The following DYM variants were observed in gnomAD, a reference collection of about 807,000 sequenced individuals.
The protein encoded by DYM is dyggve-Melchior-Clausen syndrome protein.
Under a neutral mutation model 93.1 loss-of-function variants are expected in DYM, and 78 were observed. That is an observed-to-expected ratio of 0.84 (90% CI 0.70 to 1.01). The LOEUF (loss-of-function observed/expected upper bound fraction) is 1.01, where lower values mean the gene tolerates loss of function less well. Ranked by LOEUF, DYM falls within the 50% of genes least tolerant of loss-of-function variation. The probability of loss-of-function intolerance (pLI) is 0.00; values close to 1 mark genes in which losing one functional copy is unlikely to be tolerated. For synonymous variants in DYM, 321 were observed against 319.7 expected (o/e 1.00, Z -0.04); for missense variants, 789 against 845.0 (o/e 0.93, Z 0.82).
intron 13 of DYM, among the ~76,000 whole-genome samples, chr18:49,215,608 G>C (rs911740056): frequency 1.3e-5 from 2 of 152,092 alleles, no homozygotes; most frequent in Non-Finnish European, 2.9e-5. Flanking sequence ...GTCATGTTTT[G>C]GGCAGTGTTG....
intron 8 of DYM, among the ~76,000 whole-genome samples, chr18:49,290,014 ATT>A (rs2060007262): frequency 6.6e-6 from 1 of 151,352 alleles, no homozygotes; most frequent in African/African-American, 2.4e-5. Context: ...TTTAAAGTAC[ATT>A]TGGCAGTTTT....
rs576611215 is a variant in DYM at position 49,127,798 on chromosome 18, A to G, written c.1729-8872T>C. On this transcript the variant is annotated intron_variant, in intron 15 of 17. Coordinates refer to ENST00000675505, the MANE Select transcript of DYM (RefSeq NM_001353214.3). Reference sequence around the variant, plus strand: ...CCAAAATACTGAGCTTCTGATAGAAAGAACAGGTTTTATATTACACATAAA... The same window carrying G: ...CCAAAATACTGAGCTTCTGATAGAAGGAACAGGTTTTATATTACACATAAA... Among the ~76,000 whole-genome samples the G allele has an allele frequency of 4.6e-5, 7 of 152,368 alleles. No individual in the cohort carries two copies. In the South Asian group the frequency reaches 1.4e-3, roughly 32 times the overall value.
chr18:49,159,647 C>A (rs1052244492), intron 15 of DYM, among the ~76,000 whole-genome samples: 2 of 152,114 alleles, frequency 1.3e-5, no homozygotes, highest in South Asian at 4.1e-4. Context: ...CTTGGGAAGA[C>A]AAGGCAGGAC....
At chr18:49,109,441 T>C (rs1246971401) in intron 16 of DYM, among the ~76,000 whole-genome samples, 1 of 152,220 alleles carries the variant, frequency 6.6e-6, no homozygotes, top group African/African-American at 2.4e-5. Flanking sequence ...CCTTTAATTA[T>C]CACAGTCTAT....
intron 13 of DYM, among the ~76,000 whole-genome samples, chr18:49,246,870 C>T (rs1367525830): frequency 6.6e-6 from 1 of 152,180 alleles, no homozygotes; most frequent in Non-Finnish European, 1.5e-5. Flanking sequence ...CAACTGGCTA[C>T]CTTACTGAAA....
chr18:49,257,017 T>G lies in DYM; in HGVS notation c.1453A>C (p.Ile485Leu), dbSNP rs181650561. Residue 485 changes from isoleucine (I) to leucine (L), a missense_variant, in exon 13 of 18, where the codon ATC (isoleucine) becomes CTC (leucine). By Grantham distance (5) the Ile-to-Leu change is conservative. Transcript: ENST00000675505. Reference protein sequence around the residue: ...RSLHQYAAQRIISYTCRHLRR... With the variant: ...RSLHQYAAQRLISYTCRHLRR... ...TTTAAAGTTCATATTTACCTGATGA[T>G]CCTCTGGGCAGCATACTGATGGAGA... 6.2e-7 allele frequency: 1 copy of G among 1,612,838 alleles called. No homozygotes were observed. Among genetic ancestry groups the G allele is most frequent in the Non-Finnish European group, 8.5e-7 (1 of 1,178,874 alleles).
chr18:49,453,189 TA>T lies in DYM; in HGVS notation c.-54+7208del, dbSNP rs1254945577. Among the ~76,000 whole-genome samples the T allele has an allele frequency of 2.5e-5, 2 of 79,188 alleles. 1 individual carries two copies. Among genetic ancestry groups the T allele is most frequent in the East Asian group, 7.2e-4 (2 of 2,794 alleles). The allele number at this position is 79,188 out of a possible 152,430, so 52.0% of individuals were successfully genotyped here. A position where few individuals can be genotyped will look rare whatever the true frequency, so the allele number is the denominator to read the frequency against. On this transcript the variant is annotated intron_variant, in intron 1 of 17. Coordinates refer to ENST00000675505, the MANE Select transcript of DYM (RefSeq NM_001353214.3). ...ATCAGTACTCTGTATCTAGCTAATC[TA>T]GGGGGGACTTGGAGAACTTTTGTGT...
intron 14 of DYM, among the ~76,000 whole-genome samples, chr18:49,191,033 T>C (rs2145682680): frequency 6.8e-6 from 1 of 147,520 alleles, no homozygotes; most frequent in South Asian, 2.2e-4. Flanking sequence ...TTCAAAGTCA[T>C]ATGCAAAGTT....
chr18:49,297,960 C>G (rs1379414664), intron 8 of DYM, among the ~76,000 whole-genome samples: 1 of 152,084 alleles, frequency 6.6e-6, no homozygotes, highest in African/African-American at 2.4e-5. Context: ...GCATGTAAAA[C>G]AGTAACATAC....
At chr18:49,055,703 C>T (rs564610325) in intron 17 of DYM, among the ~76,000 whole-genome samples, 3 of 152,184 alleles carry the variant, frequency 2.0e-5, no homozygotes, top group African/African-American at 2.4e-5. Flanking sequence ...CCCAAAATGC[C>T]GAGGGCCAAA....
chr18:49,359,174 C>T (rs1286253541), intron 6 of DYM, among the ~76,000 whole-genome samples: 1 of 152,174 alleles, frequency 6.6e-6, no homozygotes, highest in Non-Finnish European at 1.5e-5. Context: ...ATCTTTATTA[C>T]TTTCCTGTTT....
At chr18:49,417,712 T>C (rs1408459001) in intron 2 of DYM, among the ~76,000 whole-genome samples, 1 of 152,238 alleles carries the variant, frequency 6.6e-6, no homozygotes, top group Non-Finnish European at 1.5e-5. Context: ...TGCATATGCA[T>C]AAAATGCAAT....
At chr18:49,426,490 A>G (rs2074303677) in intron 2 of DYM, among the ~76,000 whole-genome samples, 1 of 151,874 alleles carries the variant, frequency 6.6e-6, no homozygotes. Flanking sequence ...GCACACGTAT[A>G]CATATGTAAC....
At chr18:49,134,338 C>T (rs943135575) in intron 15 of DYM, among the ~76,000 whole-genome samples, 8 of 152,100 alleles carry the variant, frequency 5.3e-5, no homozygotes, top group African/African-American at 1.2e-4. Context: ...AAGGAGATTA[C>T]GTTTCAAACA....
At chr18:49,148,399 T>A (rs975589648) in intron 15 of DYM, among the ~76,000 whole-genome samples, 1 of 152,066 alleles carries the variant, frequency 6.6e-6, no homozygotes, top group African/African-American at 2.4e-5. Flanking sequence ...AGATACATTT[T>A]AAAAATATAT....
chr18:49,189,940 C>T (rs1173448910), intron 14 of DYM, among the ~76,000 whole-genome samples: 1 of 152,208 alleles, frequency 6.6e-6, no homozygotes, highest in Non-Finnish European at 1.5e-5. Context: ...GACAGTGATT[C>T]TTCAAAAGGA....
At chr18:49,457,891 C>T (rs948599066) in intron 1 of DYM, among the ~76,000 whole-genome samples, 7 of 152,262 alleles carry the variant, frequency 4.6e-5, no homozygotes, top group African/African-American at 1.4e-4. Flanking sequence ...AGAGATGCAA[C>T]ACTGGTGGCT....
chr18:49,077,976 A>G (rs766228920), intron 17 of DYM, among the ~76,000 whole-genome samples: 1 of 151,928 alleles, frequency 6.6e-6, no homozygotes, highest in Non-Finnish European at 1.5e-5. Flanking sequence ...GCATCTGCCA[A>G]TATCATATTT....
At chr18:49,081,002 C>T (rs2077942858) in intron 17 of DYM, among the ~76,000 whole-genome samples, 2 of 149,738 alleles carry the variant, frequency 1.3e-5, no homozygotes, top group South Asian at 4.3e-4. Context: ...CGGGCAGAGA[C>T]GCTCCTCACT....
Sources: allele counts gnomAD v4.1 joint callset (sites outside exome capture counted in the v4.1 genomes callset), GRCh38; gene constraint gnomAD v4.1.1; transcripts MANE v1.5; gene names NCBI Gene and HGNC (gene_info 2026-07-23, HGNC 2026-07-21).